KMT2D: variants seen among roughly 807,000 people sequenced by gnomAD.
KMT2D encodes the protein lysine methyltransferase 2D, also known as histone-lysine N-methyltransferase 2D.
KMT2D carries 55 observed loss-of-function variants against 512.7 expected under a neutral mutation model. That is an observed-to-expected ratio of 0.11 (90% CI 0.09 to 0.13). KMT2D has a LOEUF of 0.13. Ranked by LOEUF, KMT2D falls within the 10% of genes least tolerant of loss-of-function variation. KMT2D has a pLI of 1.00. For missense variants in KMT2D, 6,061 were observed against 7,127.9 expected (o/e 0.85, Z 5.39); for synonymous variants, 2,995 against 2,904.0 (o/e 1.03, Z -1.01).
In KMT2D at chr12:49,038,700, T is replaced by C. The variant is rs2120502704; in HGVS notation, c.8656A>G (p.Lys2886Glu). The C allele has an allele frequency of 6.2e-7, 1 of 1,611,752 alleles. No individual in the cohort carries two copies. The highest frequency in any genetic ancestry group is 2.2e-5 in the East Asian group (1 of 44,848). ...GGAGTGCCCCCAGGTCCCAGTCCTT[T>C]CTGTACATTGTGCCGCAGCTCAATG... ...QFIELRHNVQ[K>E]GLGPGGTPFP... is the part of the protein sequence containing the mutation. Residue 2886 changes from lysine to glutamate, a missense_variant, in exon 35 of 55, where the codon AAA (lysine) becomes GAA (glutamate). This residue lies in a region of KMT2D where 527 missense variants were observed against 578.9 expected (regional missense o/e 0.91). Transcript: ENST00000301067. The surrounding 1 kb of genome is among the most constrained non-coding windows in gnomAD (Gnocchi z 5.7).
chr12:49,020,091 C>T lies in KMT2D; in HGVS notation c.*1689G>A, dbSNP rs1019739895. On this transcript the variant is annotated 3_prime_UTR_variant, in exon 55 of 55. Coordinates refer to ENST00000301067, the MANE Select transcript of KMT2D (RefSeq NM_003482.4). ...CTCACCCACCCCTTACCTACTCCCA[C>T]CCCCAGGAAGAGGTTCAACTGCAGC... 3.1e-5 allele frequency: 6 copies of T among 194,904 alleles called. No individual in the cohort carries two copies. Among genetic ancestry groups the T allele is most frequent in the African/African-American group, 1.4e-4 (6 of 43,108 alleles). 12.1% of individuals were successfully genotyped at this position (194,904 alleles called of 1,614,324 possible). A position where few individuals can be genotyped will look rare whatever the true frequency, so the allele number is the denominator to read the frequency against.
At chr12:49,058,556 A>G (rs1416446572) in intron 1 of KMT2D, among the ~76,000 whole-genome samples, 1 of 152,160 alleles carries the variant, frequency 6.6e-6, no homozygotes, top group Admixed American at 6.5e-5. Context: ...TTGAGGCTCA[A>G]GCTGCAGGCA....
chr12:49,053,437 G>A (rs1404343548), intron 7 of KMT2D, 39 bp downstream of exon 7: 4 of 1,610,918 alleles, frequency 2.5e-6, no homozygotes, highest in East Asian at 2.2e-5. Context: ...CCTAACCTGT[G>A]TTGTGCCTAA....
chr12:49,041,292 A>G lies in KMT2D; in HGVS notation c.6478T>C (p.Phe2160Leu), dbSNP rs2120544555. The change falls in exon 32 of 55, where the codon TTC becomes CTC. Residue 2160 changes from phenylalanine to leucine, a missense_variant. Around this residue, in one of 16 missense-constraint regions of KMT2D, gnomAD observed 710 missense variants for 647.3 expected, o/e 1.10. Transcript: ENST00000301067. The surrounding 1 kb of genome is among the most constrained non-coding windows in gnomAD (Gnocchi z 5.4). Reference protein sequence around the residue: ...VPGPDSPGELFLKLPPQVPAQ... With the variant: ...VPGPDSPGELLLKLPPQVPAQ... ...GGCACCTGGGGTGGGAGCTTGAGGA[A>G]GAGCTCACCAGGCGAGTCAGGGCCA... 3 of 1,523,788 alleles carry G rather than the reference A, an allele frequency of 2.0e-6. No homozygotes were observed. The highest frequency in any genetic ancestry group is 2.6e-6 in the Non-Finnish European group (3 of 1,138,924). 94.4% of individuals were successfully genotyped at this position (1,523,788 alleles called of 1,614,324 possible).
At chr12:49,028,491 T>G (rs1942723134) in intron 46 of KMT2D, among the ~76,000 whole-genome samples, 1 of 152,198 alleles carries the variant, frequency 6.6e-6, no homozygotes, top group Non-Finnish European at 1.5e-5. Context: ...TTTCCAACTT[T>G]CTTTGACCAC....
At chr12:49,034,348 C>T (rs760803109) in intron 38 of KMT2D, 49 bp from the exon 39 acceptor site, 9 of 1,609,794 alleles carry the variant, frequency 5.6e-6, no homozygotes, top group Non-Finnish European at 7.7e-6. Context: ...TAATCCCAAT[C>T]CCTCTTCCTC....
At position 49,052,953 on chromosome 12, in the gene KMT2D, G is replaced by A. The variant is rs548225150; in HGVS notation, c.1074C>T (p.Ile358=). 1 of 1,614,010 alleles carries A rather than the reference G, an allele frequency of 6.2e-7. No individual in the cohort carries two copies. The highest frequency in any genetic ancestry group is 8.5e-7 in the Non-Finnish European group (1 of 1,179,866). Residue 358 remains isoleucine (I), a synonymous_variant, in exon 9 of 55, where the codon ATC becomes ATT. Transcript: ENST00000301067. ...GGGTATGCTGCTCAGCAACGGAGCG[G>A]ATAGTCTGACCTCCCTGGGCTTTGT... ...RCHKAQGGQT[I]RSVAEQHTPV...
In KMT2D at chr12:49,044,316, C is replaced by G. The variant is rs2120581304; in HGVS notation, c.5084-12G>C. The G allele has an allele frequency of 1.2e-6, 2 of 1,613,970 alleles. No individual in the cohort carries two copies. Among genetic ancestry groups the G allele is most frequent in the East Asian group, 2.2e-5 (1 of 44,882 alleles). Reference sequence around the variant, plus strand: ...GAAACCACCAATGCCTATGAGGAGGCAGAGTTGTGGATGAGAAGCCGCTGG... The same window carrying G: ...GAAACCACCAATGCCTATGAGGAGGGAGAGTTGTGGATGAGAAGCCGCTGG... On this transcript the variant is annotated splice_polypyrimidine_tract_variant and intron_variant, in intron 21 of 54. Coordinates refer to ENST00000301067, the MANE Select transcript of KMT2D (RefSeq NM_003482.4). This position sits in a 1 kb window ranked among gnomAD's most constrained non-coding sequence, Gnocchi z 6.4.
chr12:49,053,612 G>T lies in KMT2D; in HGVS notation c.703C>A (p.Pro235Thr), dbSNP rs376909620. 3.8e-6 allele frequency: 6 copies of T among 1,597,370 alleles called. No individual in the cohort carries two copies. Among genetic ancestry groups the T allele is most frequent in the South Asian group, 2.3e-5 (2 of 88,110 alleles). ...EEARCAVCEG[P>T]GELCDLFFCT... Reference sequence around the variant, plus strand: ...AAGAACAGGTCACACAACTCCCCTGGCCCCTCACACACTGCACAGCGAGCC... The same window carrying T: ...AAGAACAGGTCACACAACTCCCCTGTCCCCTCACACACTGCACAGCGAGCC... The change falls in exon 7 of 55, where the codon CCA becomes ACA. Residue 235 changes from proline to threonine, a missense_variant. Coordinates refer to ENST00000301067, the MANE Select transcript of KMT2D (RefSeq NM_003482.4).
intron 45 of KMT2D, 44 bp downstream of exon 45, chr12:49,029,017 A>G: frequency 2.5e-6 from 4 of 1,606,422 alleles, no homozygotes; most frequent in African/African-American, 2.7e-5. Flanking sequence ...GCTTCGGACA[A>G]CCCAGGTGAA....
Position 49,039,972 on chromosome 12 carries a change from A to G in KMT2D, c.7798T>C (p.Ser2600Pro), listed in dbSNP as rs1592134175. Residue 2600 changes from serine to proline, a missense_variant, in exon 32 of 55, where the codon TCC becomes CCC. Ser to Pro is a moderately conservative substitution (Grantham distance 74). Transcript: ENST00000301067. This position sits in a 1 kb window ranked among gnomAD's most constrained non-coding sequence, Gnocchi z 5.0. ...SGSPLGPSSG[S>P]TGESYGLSPL... ...GACAGCCCATAGCTCTCCCCTGTGG[A>G]CCCGCTGCTGGGCCCCAGGGGGCTG... 1 of 1,613,674 alleles carries G rather than the reference A, an allele frequency of 6.2e-7. No individual in the cohort carries two copies. The highest frequency in any genetic ancestry group is 8.5e-7 in the Non-Finnish European group (1 of 1,179,778).
At chr12:49,028,246 A>C in intron 46 of KMT2D, 105 bp from the exon 47 acceptor site, 1 of 1,382,206 alleles carries the variant, frequency 7.2e-7, no homozygotes, top group Non-Finnish European at 1.0e-6. Flanking sequence ...CCCACTCCCC[A>C]GGGTAGTTCT....
Position 49,046,713 on chromosome 12 carries a change from G to A in KMT2D, c.4314C>T (p.Asp1438=), listed in dbSNP as rs2120611677. The A allele has an allele frequency of 6.2e-7, 1 of 1,613,928 alleles. No individual in the cohort carries two copies. Among genetic ancestry groups the A allele is most frequent in the Admixed American group, 1.7e-5 (1 of 60,014 alleles). Residue 1438 remains aspartate (D), a synonymous_variant, in exon 16 of 55, where the codon GAC becomes GAT. Coordinates refer to ENST00000301067, the MANE Select transcript of KMT2D (RefSeq NM_003482.4). This position sits in a 1 kb window ranked among gnomAD's most constrained non-coding sequence, Gnocchi z 4.2. The part of the protein sequence containing the change: ...IVCEVCGQAS[D]PSRLLLCDDC... The stretch of plus-strand genomic sequence containing the variant: ...CATCACAGAGCAGCAGGCGTGAGGG[G>A]TCGGAGGCCTGGCCACACACCTCAC...
intron 35 of KMT2D, 72 bp downstream of exon 35, chr12:49,037,053 T>C (rs921360912): frequency 2.7e-6 from 4 of 1,505,906 alleles, no homozygotes; most frequent in African/African-American, 2.8e-5. Context: ...CTGAGGTCTC[T>C]AGCCTCAGTG....
chr12:49,026,070 A>C lies in KMT2D; in HGVS notation c.15784+112T>G. On this transcript the variant is annotated intron_variant, in intron 49 of 54. Transcript: ENST00000301067. This position sits in a 1 kb window ranked among gnomAD's most constrained non-coding sequence, Gnocchi z 9.6. ...ACCCCCTGCCTGCCTGAGGTGGGGG[A>C]AGGAGGATCATTCACATAGAAGCTA... is the stretch of plus-strand genomic sequence containing the variant. The C allele has an allele frequency of 9.6e-7, 1 of 1,047,054 alleles. No homozygotes were observed. The highest frequency in any genetic ancestry group is 1.4e-6 in the Non-Finnish European group (1 of 734,532). The allele number at this position is 1,047,054 out of a possible 1,614,324, so 64.9% of individuals were successfully genotyped here.
Position 49,040,863 on chromosome 12 carries a change from T to C in KMT2D, c.6907A>G (p.Asn2303Asp), listed in dbSNP as rs1364217370. The C allele has an allele frequency of 1.9e-6, 3 of 1,613,642 alleles. No homozygotes were observed. Among genetic ancestry groups the C allele is most frequent in the African/African-American group, 1.3e-5 (1 of 74,896 alleles). ...GASSPSYGPP[N>D]LGFVDSPSSG... ...GAGGGTGAGTCAACAAAGCCCAGGTTTGGGGGCCCATAGCTAGGAGAGGAT... is the reference window on the plus strand; with the variant it reads ...GAGGGTGAGTCAACAAAGCCCAGGTCTGGGGGCCCATAGCTAGGAGAGGAT... Residue 2303 changes from asparagine to aspartate, a missense_variant, in exon 32 of 55, where the codon AAC becomes GAC. By Grantham distance (23) the Asn-to-Asp change is conservative. Around this residue, in one of 16 missense-constraint regions of KMT2D, gnomAD observed 710 missense variants for 647.3 expected, o/e 1.10. Transcript: ENST00000301067.
rs200913080 is a variant in KMT2D at position 49,039,800 on chromosome 12, G to A, written c.7970C>T (p.Ala2657Val). The change falls in exon 32 of 55, where the codon GCG (alanine) becomes GTG (valine). Residue 2657 changes from alanine to valine, a missense_variant. Physicochemically the swap from Ala to Val is moderately conservative, Grantham distance 64. Around this residue, in one of 16 missense-constraint regions of KMT2D, gnomAD observed 527 missense variants for 578.9 expected, o/e 0.91. Transcript: ENST00000301067. The surrounding 1 kb of genome is among the most constrained non-coding windows in gnomAD (Gnocchi z 5.0). ...CTGGGTACCTGGGAGTTCAGCTGTC[G>A]CCAAAGAGCTACCCATTCCAGTCCC... ...DPGTGMGSSLATAELPGTQDP... is the reference protein window; with the variant it reads ...DPGTGMGSSLVTAELPGTQDP... The A allele has an allele frequency of 1.1e-4, 174 of 1,613,852 alleles. No individual in the cohort carries two copies. Among genetic ancestry groups the A allele is most frequent in the Admixed American group, 4.0e-4 (24 of 60,002 alleles).
rs554987985 is a variant in KMT2D at position 49,022,032 on chromosome 12, C to A, written c.16521+11G>T. The stretch of plus-strand genomic sequence containing the variant: ...GCTGCTTTGTCACTCAGTCAGGATA[C>A]TTCCTCTCACCTCCTCTCCTTTGGG... On this transcript the variant is annotated intron_variant, in intron 54 of 54. Coordinates refer to ENST00000301067, the MANE Select transcript of KMT2D (RefSeq NM_003482.4). The surrounding 1 kb of genome is among the most constrained non-coding windows in gnomAD (Gnocchi z 8.6). 1.9e-6 allele frequency: 3 copies of A among 1,609,988 alleles called. No homozygotes were observed. Among genetic ancestry groups the A allele is most frequent in the Non-Finnish European group, 2.6e-6 (3 of 1,176,302 alleles).
At chr12:49,034,385 CCTT>C in intron 38 of KMT2D, 22 bp downstream of exon 38, 1 of 1,613,624 alleles carries the variant, frequency 6.2e-7, no homozygotes, top group Non-Finnish European at 8.5e-7. Context: ...CTCCCCTGCA[CCTT>C]CCTCCCACGC....
Sources: gnomAD v4.1 joint callset for allele counts (sites outside exome capture counted in the v4.1 genomes callset) on GRCh38, gnomAD v4.1.1 for gene constraint, gnomAD v4.1.1 regional missense constraint, Gnocchi (gnomAD v3.1) non-coding constraint, MANE v1.5 for transcripts, NCBI Gene and HGNC (gene_info 2026-07-23, HGNC 2026-07-21) for gene names.